Variants in TLE3 observed in about 807,000 individuals in gnomAD.
TLE3 encodes the protein TLE family member 3, transcriptional corepressor.
Under a neutral mutation model 93.0 loss-of-function variants are expected in TLE3, and 14 were observed. The ratio of observed to expected loss-of-function variants is 0.15; its 90% CI spans 0.10 to 0.24. TLE3 has a LOEUF of 0.24. TLE3 is among the 10% of genes least tolerant of loss of function. TLE3 has a pLI of 1.00. For missense variants in TLE3, 693 were observed against 1,046.6 expected, an observed-to-expected ratio of 0.66 and a Z score of 4.66; for synonymous variants, 451 against 425.0, an observed-to-expected ratio of 1.06 and a Z score of -0.75.
Position 70,052,492 on chromosome 15 carries a change from C to T in TLE3, c.2007G>A (p.Glu669=). Residue 669 remains glutamate, a synonymous_variant, in exon 18 of 20, where the codon GAG becomes GAA. Transcript: ENST00000451782. ...TGCTCTCCATGCCCACAGCCAGCCACTCCCCAGTGGGGCAGTAGCCCAGCG... is the reference window on the plus strand; with the variant it reads ...TGCTCTCCATGCCCACAGCCAGCCATTCCCCAGTGGGGCAGTAGCCCAGCG... ...IFSLGYCPTG[E]WLAVGMESSN... 6.2e-7 allele frequency: 1 copy of T among 1,613,860 alleles called. No individual in the cohort carries two copies. The highest frequency in any genetic ancestry group is 8.5e-7 in the Non-Finnish European group (1 of 1,179,898).
intron 16 of TLE3, chr15:70,053,640 C>T (rs1024782428): frequency 6.4e-6 from 2 of 311,658 alleles, no homozygotes; most frequent in East Asian, 5.7e-5. Flanking sequence ...TTGCACTAGC[C>T]TTCTGAGACT....
chr15:70,073,408 G>T (rs1479241211), intron 6 of TLE3, among the ~76,000 whole-genome samples: 2 of 152,162 alleles, frequency 1.3e-5, no homozygotes, highest in Non-Finnish European at 2.9e-5. Flanking sequence ...AAATTGTGGG[G>T]CCTTCAGTTC....
intron 7 of TLE3, 52 bp downstream of exon 7, chr15:70,065,962 C>T (rs111371136): frequency 1.2e-5 from 17 of 1,476,770 alleles, no homozygotes; most frequent in African/African-American, 2.7e-5. Flanking sequence ...GGCCTATGAG[C>T]GCCCATGCCC....
At chr15:70,065,852 T>A (rs757616496) in intron 7 of TLE3, 162 bp downstream of exon 7, 284 of 709,132 alleles carry the variant, frequency 4.0e-4, no homozygotes, top group Non-Finnish European at 6.0e-4. Flanking sequence ...GGGATGCGGA[T>A]GGCATTGGCT....
chr15:70,056,898 G>A (rs2056082475), intron 13 of TLE3, among the ~76,000 whole-genome samples: 1 of 152,088 alleles, frequency 6.6e-6, no homozygotes, highest in Non-Finnish European at 1.5e-5. Context: ...AATAGCGCCT[G>A]CCACCACGCC....
intron 4 of TLE3, among the ~76,000 whole-genome samples, chr15:70,081,636 C>A (rs2057783901): frequency 6.6e-6 from 1 of 152,228 alleles, no homozygotes; most frequent in South Asian, 2.1e-4. Context: ...GGAAGTAATT[C>A]CACGTCTGTG....
At position 70,055,981 on chromosome 15, in the gene TLE3, G is replaced by A. The variant is rs921472904; in HGVS notation, c.1328+317C>T. ...CCAGCAGGTCGAACCCAAAGGAGTCGGCAAGGCCCACCACAGCTCCAGGTG... is the reference window on the plus strand; with the variant it reads ...CCAGCAGGTCGAACCCAAAGGAGTCAGCAAGGCCCACCACAGCTCCAGGTG... On this transcript the variant is annotated intron_variant, in intron 14 of 19. Coordinates refer to ENST00000451782, the MANE Select transcript of TLE3 (RefSeq NM_001105192.3). The A allele has an allele frequency of 5.5e-5, 25 of 457,660 alleles. 1 individual carries two copies. Among genetic ancestry groups the A allele is most frequent in the African/African-American group, 2.4e-4 (12 of 50,488 alleles). 28.3% of individuals were successfully genotyped at this position (457,660 alleles called of 1,614,324 possible).
At position 70,096,982 on chromosome 15, in the gene TLE3, A is replaced by G; in HGVS notation, c.-184T>C. The G allele has an allele frequency of 1.5e-6, 1 of 672,668 alleles. No homozygotes were observed. 41.7% of individuals were successfully genotyped at this position (672,668 alleles called of 1,614,324 possible). On this transcript the variant is annotated 5_prime_UTR_variant, in exon 1 of 20. Transcript: ENST00000451782. ...TCGGGCGCCCGCCCCAAGTGGAGAC[A>G]AAGAGCCGCGGAGCAGGCGGCAAAG...
At chr15:70,088,047 G>A (rs1209708351) in intron 4 of TLE3, among the ~76,000 whole-genome samples, 2 of 152,130 alleles carry the variant, frequency 1.3e-5, no homozygotes, top group Admixed American at 6.5e-5. Flanking sequence ...ATTCCTTAGC[G>A]GTCATGGCCT....
At chr15:70,095,696 G>T (rs372457644) in intron 2 of TLE3, 55 bp from the exon 3 acceptor site, 638 of 1,543,546 alleles carry the variant, frequency 4.1e-4, no homozygotes, top group Non-Finnish European at 5.3e-4. Context: ...CCTCCTCTGA[G>T]GCCCCGACCC....
intron 16 of TLE3, 139 bp downstream of exon 16, chr15:70,054,299 C>A: frequency 7.9e-7 from 1 of 1,271,220 alleles, no homozygotes; most frequent in South Asian, 1.5e-5. Context: ...TGTCTTTTCA[C>A]CTGTGCATCC....
chr15:70,060,861 G>T, intron 8 of TLE3: 1 of 672,784 alleles, frequency 1.5e-6, no homozygotes, highest in Non-Finnish European at 2.6e-6. Context: ...GATGCCCTGG[G>T]CGCATCCCCA....
rs768364441 is a variant in TLE3, at chr15:70,096,803, G to C, written c.-5C>G. 6.2e-7 allele frequency: 1 copy of C among 1,612,440 alleles called. No homozygotes were observed. The highest frequency in any genetic ancestry group is 1.1e-5 in the South Asian group (1 of 90,880). ...ATGTCTGCCCTGCGGATACATGGCA[G>C]GGAGGGGTCGTGATTCCGAGAGCGT... On this transcript the variant is annotated 5_prime_UTR_variant, in exon 1 of 20. Transcript: ENST00000451782.
Position 70,052,438 on chromosome 15 carries a change from C to T in TLE3, c.2061G>A (p.Lys687=). ...SSNVEVLHHT[K]PDKYQLHLHE... is the part of the protein sequence containing the mutation. ...GCAGGTGCAGCTGGTACTTGTCAGGCTTGGTGTGGTGCAGCACCTCCACGT... is the reference window on the plus strand; with the variant it reads ...GCAGGTGCAGCTGGTACTTGTCAGGTTTGGTGTGGTGCAGCACCTCCACGT... The change falls in exon 18 of 20, where the codon AAG becomes AAA. Residue 687 remains lysine, a synonymous_variant. Transcript: ENST00000451782. 6.2e-7 allele frequency: 1 copy of T among 1,614,040 alleles called. No individual in the cohort carries two copies.
chr15:70,078,640 G>A (rs549035758), intron 4 of TLE3, among the ~76,000 whole-genome samples: 5 of 152,348 alleles, frequency 3.3e-5, no homozygotes, highest in African/African-American at 7.2e-5. Context: ...GTGGTGGATG[G>A]AGTGTTGACA....
At chr15:70,086,460 G>A (rs1214648211) in intron 4 of TLE3, among the ~76,000 whole-genome samples, 1 of 152,198 alleles carries the variant, frequency 6.6e-6, no homozygotes. Flanking sequence ...TGGCAGGGTG[G>A]TGGAGTCTAA....
chr15:70,076,299 C>T (rs2057443159), intron 4 of TLE3, 141 bp from the exon 5 acceptor site: 5 of 727,160 alleles, frequency 6.9e-6, no homozygotes, highest in South Asian at 6.5e-5. Context: ...CAGTCAGCCT[C>T]CTACCAGGAG....
At chr15:70,072,006 ACGACTCGG>A (rs1253896880) in intron 6 of TLE3, among the ~76,000 whole-genome samples, 5 of 152,224 alleles carry the variant, frequency 3.3e-5, no homozygotes, top group Admixed American at 1.3e-4. Context: ...CAGTGCGAGC[ACGACTCGG>A]CTGTCCGTAA....
chr15:70,056,153 C>T, intron 14 of TLE3, 145 bp downstream of exon 14: 1 of 901,968 alleles, frequency 1.1e-6, no homozygotes, highest in Non-Finnish European at 1.8e-6. Flanking sequence ...CCCTCGGTGC[C>T]TCTAGAGGGA....
Sources: gnomAD v4.1 joint callset for allele counts (sites outside exome capture counted in the v4.1 genomes callset) on GRCh38, gnomAD v4.1.1 for gene constraint, MANE v1.5 for transcripts, NCBI Gene and HGNC (gene_info 2026-07-23, HGNC 2026-07-21) for gene names.